NCOA3: variants seen among roughly 807,000 people sequenced by gnomAD.
The protein encoded by NCOA3 is nuclear receptor coactivator 3, also known as CBP-interacting protein.
In NCOA3, 51 loss-of-function variants were observed where a neutral mutation model predicts 158.8. The observed-to-expected ratio is 0.32, with a 90% CI of 0.26 to 0.41. The LOEUF (loss-of-function observed/expected upper bound fraction) is 0.41. Among genes scored for constraint, NCOA3 ranks in the 10% least tolerant of loss-of-function variants. The pLI is 1.00. For synonymous variants in NCOA3, 537 were observed against 592.4 expected (o/e 0.91, Z 1.36); for missense variants, 1,510 against 1,746.6 (o/e 0.86, Z 2.41).
At chr20:47,600,422 C>T (rs1040418693) in intron 2 of NCOA3, among the ~76,000 whole-genome samples, 5 of 151,990 alleles carry the variant, frequency 3.3e-5, no homozygotes, top group East Asian at 1.9e-4. Context: ...ACAATCTGCC[C>T]GCCTCGGCCT....
At chr20:47,556,124 A>G (rs566868223) in intron 1 of NCOA3, among the ~76,000 whole-genome samples, 10 of 151,486 alleles carry the variant, frequency 6.6e-5, no homozygotes, top group Admixed American at 6.6e-4. Flanking sequence ...TATTGGAGAC[A>G]GGGTTTCACC....
At chr20:47,649,164 G>T in intron 19 of NCOA3, 55 bp downstream of exon 19, 4 of 1,119,090 alleles carry the variant, frequency 3.6e-6, no homozygotes, top group Non-Finnish European at 2.6e-6. Flanking sequence ...ACAGGGCTTG[G>T]CCTGTGGTTG....
At chr20:47,632,907 T>G (rs1225872717) in intron 8 of NCOA3, among the ~76,000 whole-genome samples, 1 of 152,130 alleles carries the variant, frequency 6.6e-6, no homozygotes, top group Non-Finnish European at 1.5e-5. Context: ...GGTCTTGATA[T>G]CTTGACCTCG....
chr20:47,558,977 G>A (rs1269917165), intron 1 of NCOA3, among the ~76,000 whole-genome samples: 3 of 151,946 alleles, frequency 2.0e-5, no homozygotes, highest in South Asian at 2.1e-4. Flanking sequence ...AGCTTTTTCC[G>A]TAACAGTGAT....
intron 1 of NCOA3, among the ~76,000 whole-genome samples, chr20:47,506,462 T>C (rs1417067713): frequency 6.6e-6 from 1 of 152,000 alleles, no homozygotes; most frequent in Non-Finnish European, 1.5e-5. Context: ...AGACCTGCAG[T>C]GTGTAGAAGG....
chr20:47,573,681 T>C (rs2146205988), intron 1 of NCOA3, among the ~76,000 whole-genome samples: 1 of 152,350 alleles, frequency 6.6e-6, no homozygotes, highest in African/African-American at 2.4e-5. Flanking sequence ...TCCTCTTCAC[T>C]GCCCCACAGG....
At chr20:47,608,587 C>T (rs942138268) in intron 2 of NCOA3, among the ~76,000 whole-genome samples, 13 of 146,360 alleles carry the variant, frequency 8.9e-5, no homozygotes, top group African/African-American at 3.3e-4. Context: ...TACAGTGAGC[C>T]GTGATCACAC....
chr20:47,616,966 T>C (rs2086149681), intron 2 of NCOA3, among the ~76,000 whole-genome samples: 1 of 152,216 alleles, frequency 6.6e-6, no homozygotes, highest in Non-Finnish European at 1.5e-5. Context: ...TTCTTTTTTT[T>C]CTTTTTTAGA....
At chr20:47,536,678 G>C (rs1343072623) in intron 1 of NCOA3, among the ~76,000 whole-genome samples, 1 of 152,068 alleles carries the variant, frequency 6.6e-6, no homozygotes, top group Admixed American at 6.6e-5. Context: ...TTAAAATAGA[G>C]ATGAGTCTCA....
At chr20:47,509,379 GT>G (rs2084079064) in intron 1 of NCOA3, among the ~76,000 whole-genome samples, 1 of 152,230 alleles carries the variant, frequency 6.6e-6, no homozygotes, top group African/African-American at 2.4e-5. Context: ...GAGTGACAGA[GT>G]GAGACCCTGT....
chr20:47,638,211 T>C, intron 13 of NCOA3, among the ~76,000 whole-genome samples: 1 of 152,220 alleles, frequency 6.6e-6, no homozygotes, highest in Admixed American at 6.5e-5. Context: ...CTGGTTCTTA[T>C]CTAGCCCCTC....
intron 1 of NCOA3, among the ~76,000 whole-genome samples, chr20:47,531,320 G>A (rs557056128): frequency 6.7e-6 from 1 of 148,896 alleles, no homozygotes; most frequent in Non-Finnish European, 1.5e-5. Flanking sequence ...TCCAGCCTGG[G>A]CGACGGAGCG....
At chr20:47,585,889 C>T (rs182594039) in intron 2 of NCOA3, among the ~76,000 whole-genome samples, 2 of 152,018 alleles carry the variant, frequency 1.3e-5, no homozygotes, top group Admixed American at 1.3e-4. Context: ...TGATATATAC[C>T]CATTCTTCTG....
intron 1 of NCOA3, among the ~76,000 whole-genome samples, chr20:47,552,368 C>T (rs1345665779): frequency 6.6e-6 from 1 of 152,112 alleles, no homozygotes; most frequent in African/African-American, 2.4e-5. Flanking sequence ...CGTAATTTTA[C>T]TGTGGTTATG....
intron 2 of NCOA3, among the ~76,000 whole-genome samples, chr20:47,589,924 C>A (rs985511573): frequency 6.6e-5 from 9 of 135,946 alleles, no homozygotes; most frequent in Non-Finnish European, 1.6e-4. Context: ...AATGTAAAAT[C>A]TTTGTTTTCT....
intron 1 of NCOA3, among the ~76,000 whole-genome samples, chr20:47,510,028 G>A (rs1281621015): frequency 6.6e-6 from 1 of 152,182 alleles, no homozygotes; most frequent in Non-Finnish European, 1.5e-5. Context: ...TGCATCATTG[G>A]AGGGTCAGTG....
chr20:47,514,434 C>G (rs1414172285), intron 1 of NCOA3, among the ~76,000 whole-genome samples: 1 of 152,068 alleles, frequency 6.6e-6, no homozygotes, highest in Non-Finnish European at 1.5e-5. Flanking sequence ...GTTGCCCAGG[C>G]TGCAGTGCAG....
intron 2 of NCOA3, among the ~76,000 whole-genome samples, chr20:47,611,465 C>A (rs968606402): frequency 2.0e-5 from 3 of 152,248 alleles, no homozygotes; most frequent in East Asian, 3.9e-4. Context: ...AAACTACAAA[C>A]CCCAGAGGTA....
At chr20:47,648,388 G>T (rs1555817403) in intron 18 of NCOA3, among the ~76,000 whole-genome samples, 1 of 152,066 alleles carries the variant, frequency 6.6e-6, no homozygotes, top group Non-Finnish European at 1.5e-5. Flanking sequence ...CAACTTAAAG[G>T]TATTTCCCCA....
Sources: gnomAD v4.1 joint callset for allele counts (sites outside exome capture counted in the v4.1 genomes callset) on GRCh38, gnomAD v4.1.1 for gene constraint, MANE v1.5 for transcripts, NCBI Gene and HGNC (gene_info 2026-07-23, HGNC 2026-07-21) for gene names.